The following SAMD4A variants were observed in gnomAD, a reference collection of about 807,000 sequenced individuals.
SAMD4A encodes the protein protein Smaug homolog 1.
In SAMD4A, 33 loss-of-function variants were observed where a neutral mutation model predicts 81.3. The ratio of observed to expected loss-of-function variants is 0.41; its 90% CI spans 0.31 to 0.54. The LOEUF (loss-of-function observed/expected upper bound fraction) is 0.54. Ranked by LOEUF, SAMD4A falls within the 20% of genes least tolerant of loss-of-function variation. The probability of loss-of-function intolerance (pLI) is 0.37; values close to 1 mark genes in which losing one functional copy is unlikely to be tolerated. For synonymous variants in SAMD4A, 389 were observed against 382.1 expected, an observed-to-expected ratio of 1.02 and a Z score of -0.21; for missense variants, 854 against 951.1, an observed-to-expected ratio of 0.90 and a Z score of 1.34.
chr14:54,690,342 A>T (rs913600786), intron 2 of SAMD4A, among the ~76,000 whole-genome samples: 1 of 152,162 alleles, frequency 6.6e-6, no homozygotes, highest in Non-Finnish European at 1.5e-5. Flanking sequence ...AGCAGAGAGT[A>T]TGTAATGATA....
intron 2 of SAMD4A, among the ~76,000 whole-genome samples, chr14:54,585,686 A>G (rs947544164): frequency 1.5e-4 from 23 of 152,174 alleles, no homozygotes; most frequent in African/African-American, 5.1e-4. Flanking sequence ...GTGAGAACAT[A>G]GGATGTTTGG....
At chr14:54,745,140 C>T (rs752285832) in intron 4 of SAMD4A, among the ~76,000 whole-genome samples, 9 of 152,206 alleles carry the variant, frequency 5.9e-5, no homozygotes, top group East Asian at 1.9e-4. Context: ...TGTCACCATC[C>T]GCCAGGCCAG....
intron 3 of SAMD4A, chr14:54,703,133 G>A (rs1438245290): frequency 6.4e-6 from 1 of 156,726 alleles, no homozygotes; most frequent in Non-Finnish European, 1.4e-5. Context: ...TTCCTGACCA[G>A]TGGGAGCAGG....
At chr14:54,783,950 C>G (rs867425853) in intron 11 of SAMD4A, among the ~76,000 whole-genome samples, 10 of 152,078 alleles carry the variant, frequency 6.6e-5, no homozygotes, top group African/African-American at 2.2e-4. Flanking sequence ...AAAGTGAATA[C>G]AAATATCAAA....
intron 4 of SAMD4A, among the ~76,000 whole-genome samples, chr14:54,740,664 A>T (rs575739730): frequency 6.6e-6 from 1 of 151,948 alleles, no homozygotes; most frequent in Non-Finnish European, 1.5e-5. Flanking sequence ...TATGGAATAA[A>T]TCTCATGGTC....
intron 2 of SAMD4A, among the ~76,000 whole-genome samples, chr14:54,671,236 C>A (rs1202726979): frequency 6.6e-6 from 1 of 152,178 alleles, no homozygotes; most frequent in Non-Finnish European, 1.5e-5. Context: ...ATGGAAGAGG[C>A]AGCCCAGCCC....
Position 54,613,208 on chromosome 14 carries a change from GAAAGA to G in SAMD4A, c.196+45104_196+45108del, listed in dbSNP as rs199510595. ...GAGAAGGAAGGAAAGGGAAGGAAAG[GAAAGA>G]AAAGAAAGTGAAGCCAAGGAGAGCA... On this transcript the variant is annotated intron_variant, in intron 2 of 12. Transcript: ENST00000554335. Among the ~76,000 whole-genome samples the G allele has an allele frequency of 6.4e-3, 969 of 152,116 alleles. 8 individuals carry two copies. Among genetic ancestry groups the G allele is most frequent in the African/African-American group, 0.022 (917 of 41,506 alleles).
chr14:54,756,473 T>C (rs1217983882), intron 6 of SAMD4A, among the ~76,000 whole-genome samples: 1 of 152,216 alleles, frequency 6.6e-6, no homozygotes, highest in African/African-American at 2.4e-5. Context: ...CCTGCCCTGA[T>C]GCCCATCATA....
At chr14:54,585,414 C>T (rs183149078) in intron 2 of SAMD4A, among the ~76,000 whole-genome samples, 31 of 152,232 alleles carry the variant, frequency 2.0e-4, no homozygotes, top group Admixed American at 1.1e-3. Flanking sequence ...AATATGTTAA[C>T]CATGACATCA....
rs1441887164 is a variant in SAMD4A at position 54,760,279 on chromosome 14, C to T, written c.1295C>T (p.Pro432Leu). 1 of 1,612,236 alleles carries T rather than the reference C, an allele frequency of 6.2e-7. No homozygotes were observed. The highest frequency in any genetic ancestry group is 1.1e-5 in the South Asian group (1 of 90,978). Residue 432 changes from proline (P) to leucine (L), a missense_variant, in exon 7 of 13, where the codon CCC becomes CTC. Pro to Leu is a moderately conservative substitution (Grantham distance 98). Transcript: ENST00000554335. ...STTPEARRRE[P>L]QAPRQPSLMG... ...ACCCCCGAGGCTCGCCGCCGGGAGCCCCAGGCCCCGCGTCAGCCCTCACTG... is the reference window on the plus strand; with the variant it reads ...ACCCCCGAGGCTCGCCGCCGGGAGCTCCAGGCCCCGCGTCAGCCCTCACTG...
intron 2 of SAMD4A, among the ~76,000 whole-genome samples, chr14:54,583,025 C>A (rs377085259): frequency 1.3e-5 from 2 of 152,114 alleles, no homozygotes; most frequent in Non-Finnish European, 2.9e-5. Flanking sequence ...CCCACTGCAA[C>A]CTCCGCCTCC....
intron 2 of SAMD4A, among the ~76,000 whole-genome samples, chr14:54,666,329 C>T (rs1186911629): frequency 1.3e-5 from 2 of 152,158 alleles, no homozygotes; most frequent in Non-Finnish European, 2.9e-5. Context: ...CATATTAGGG[C>T]AGGCTTAGTG....
chr14:54,620,573 A>G (rs2034592104), intron 2 of SAMD4A, among the ~76,000 whole-genome samples: 2 of 152,252 alleles, frequency 1.3e-5, no homozygotes, highest in South Asian at 2.1e-4. Flanking sequence ...CAGGTTAAGA[A>G]CAGCTTCTCG....
chr14:54,607,701 G>C (rs891268591), intron 2 of SAMD4A, among the ~76,000 whole-genome samples: 1 of 151,952 alleles, frequency 6.6e-6, no homozygotes, highest in Non-Finnish European at 1.5e-5. Flanking sequence ...TGATCCGCCC[G>C]CCTCGGCCTC....
At chr14:54,780,673 C>T (rs1181830228) in intron 11 of SAMD4A, among the ~76,000 whole-genome samples, 1 of 152,204 alleles carries the variant, frequency 6.6e-6, no homozygotes, top group African/African-American at 2.4e-5. Context: ...AGCCTCCTGC[C>T]TCTGAGCATC....
In SAMD4A at chr14:54,652,562, A is replaced by G. The variant is rs561009946; in HGVS notation, c.197-49500A>G. On this transcript the variant is annotated intron_variant, in intron 2 of 12. Transcript: ENST00000554335. ...GCCCATTACAAATACTGTGATTTTCATTTAAATCACGTCCATTATCTTATT... is the reference window on the plus strand; with the variant it reads ...GCCCATTACAAATACTGTGATTTTCGTTTAAATCACGTCCATTATCTTATT... 5 of 152,262 alleles carry G rather than the reference A, an allele frequency of 3.3e-5. No homozygotes were observed. The South Asian group carries it at 1.0e-3, about 32-fold the overall frequency. 9.4% of individuals were successfully genotyped at this position (152,262 alleles called of 1,614,324 possible). A position where few individuals can be genotyped will look rare whatever the true frequency, so the allele number is the denominator to read the frequency against.
At chr14:54,780,918 C>T (rs1234756116) in intron 11 of SAMD4A, among the ~76,000 whole-genome samples, 2 of 152,092 alleles carry the variant, frequency 1.3e-5, no homozygotes. Context: ...TGCCCCACCC[C>T]TCTGTTTCCC....
At position 54,702,029 on chromosome 14, in the gene SAMD4A, T is replaced by G. The variant is rs780041175; in HGVS notation, c.197-33T>G. The G allele has an allele frequency of 6.2e-6, 10 of 1,604,366 alleles. No individual in the cohort carries two copies. The South Asian group carries it at 1.1e-4, about 18-fold the overall frequency. The stretch of plus-strand genomic sequence containing the variant: ...CTGTTTAGAGTCACTGTGGGTGTAT[T>G]TGCTTATTTGCCGTGTATATTTCCC... On this transcript the variant is annotated intron_variant, in intron 2 of 12. Coordinates refer to ENST00000554335, the MANE Select transcript of SAMD4A (RefSeq NM_015589.6).
At chr14:54,699,812 C>T (rs905440526) in intron 2 of SAMD4A, among the ~76,000 whole-genome samples, 1 of 152,160 alleles carries the variant, frequency 6.6e-6, no homozygotes, top group African/African-American at 2.4e-5. Context: ...GACCCCAGGG[C>T]AGAGATTCTA....
Sources: allele counts gnomAD v4.1 joint callset (sites outside exome capture counted in the v4.1 genomes callset), GRCh38; gene constraint gnomAD v4.1.1; transcripts MANE v1.5; gene names NCBI Gene and HGNC (gene_info 2026-07-23, HGNC 2026-07-21).